Variants in EML4 observed in about 807,000 individuals in gnomAD.
EML4 encodes echinoderm microtubule-associated protein-like 4.
In EML4, 72 loss-of-function variants were observed where a neutral mutation model predicts 129.0. That is an observed-to-expected ratio of 0.56 (90% CI 0.46 to 0.68). The LOEUF is 0.68. Ranked by LOEUF, EML4 falls within the 30% of genes least tolerant of loss-of-function variation. The pLI, the probability that EML4 is intolerant of heterozygous loss-of-function variation, is 0.00. For missense variants in EML4, 1,363 were observed against 1,190.6 expected (o/e 1.14, Z -2.13); for synonymous variants, 532 against 405.0 (o/e 1.31, Z -3.77).
intron 1 of EML4, among the ~76,000 whole-genome samples, chr2:42,178,721 G>A (rs1670761875): frequency 6.6e-6 from 1 of 152,130 alleles, no homozygotes; most frequent in African/African-American, 2.4e-5. Flanking sequence ...TGTCTTGACT[G>A]GTTCCCCACT....
At position 42,298,596 on chromosome 2, in the gene EML4, T is replaced by C. The variant is rs1456484490; in HGVS notation, c.1490-2645T>C. Among the ~76,000 whole-genome samples the C allele has an allele frequency of 2.0e-5, 3 of 152,194 alleles. No homozygotes were observed. The East Asian group carries it at 5.8e-4, about 29-fold the overall frequency. ...TAAATTTTTTAAGCTAAGTCGATAC[T>C]AGGTCCACCTCAGGAAATAACTTTC... On this transcript the variant is annotated intron_variant, in intron 13 of 22. Transcript: ENST00000318522.
chr2:42,241,885 A>G (rs1405885375), intron 1 of EML4, among the ~76,000 whole-genome samples: 2 of 149,718 alleles, frequency 1.3e-5, no homozygotes, highest in Non-Finnish European at 2.9e-5. Flanking sequence ...GGGGGGGGGA[A>G]GCTGAGGTAA....
intron 1 of EML4, among the ~76,000 whole-genome samples, chr2:42,221,559 C>T (rs569386391): frequency 6.6e-6 from 1 of 151,548 alleles, no homozygotes; most frequent in Admixed American, 6.6e-5. Flanking sequence ...GTAAGCACAC[C>T]CAACCATGCC....
At chr2:42,257,169 C>G (rs1193221938) in intron 3 of EML4, among the ~76,000 whole-genome samples, 3 of 151,882 alleles carry the variant, frequency 2.0e-5, no homozygotes, top group Non-Finnish European at 4.4e-5. Flanking sequence ...TGTGGAATTA[C>G]AGCAATATAA....
intron 1 of EML4, among the ~76,000 whole-genome samples, chr2:42,201,081 CATCA>C (rs958180453): frequency 6.6e-6 from 1 of 152,126 alleles, no homozygotes; most frequent in African/African-American, 2.4e-5. Flanking sequence ...TTCTAATTTC[CATCA>C]ATCAAGTCGA....
chr2:42,319,366 T>A (rs1162583968), intron 19 of EML4, among the ~76,000 whole-genome samples: 1 of 152,240 alleles, frequency 6.6e-6, no homozygotes, highest in Non-Finnish European at 1.5e-5. Context: ...GTCAAATGCA[T>A]GAGACTTGTC....
chr2:42,261,341 A>C (rs1318698874), intron 4 of EML4, 47 bp downstream of exon 4: 1 of 1,458,168 alleles, frequency 6.9e-7, no homozygotes, highest in Non-Finnish European at 9.2e-7. Context: ...TTGTAATGAT[A>C]CCTAAATTCT....
rs780243101 is a variant in EML4, at chr2:42,259,722, CTTTTTTTTTTT to C, written c.339-1384_339-1374del. ...TTTCTATGATTTTGTTTCTTTCTTTCTTTTTTTTTTTTTTTTTTTTTTTTTGAGACGGCGTC... is the reference window on the plus strand; with the variant it reads ...TTTCTATGATTTTGTTTCTTTCTTTCTTTTTTTTTTTTTTGAGACGGCGTC... On this transcript the variant is annotated intron_variant, in intron 3 of 22. Coordinates refer to ENST00000318522, the MANE Select transcript of EML4 (RefSeq NM_019063.5). Among the ~76,000 whole-genome samples, 21 of 98,316 alleles carry C rather than the reference CTTTTTTTTTTT, an allele frequency of 2.1e-4. 1 individual carries two copies. The South Asian group carries it at 6.1e-3, about 28-fold the overall frequency. The allele number at this position is 98,316 out of a possible 152,430, so 64.5% of individuals were successfully genotyped here.
chr2:42,280,228 A>G (rs1358491729), intron 6 of EML4, among the ~76,000 whole-genome samples: 2 of 152,204 alleles, frequency 1.3e-5, no homozygotes, highest in Non-Finnish European at 2.9e-5. Context: ...GCATTTTTCT[A>G]CTCAGCCTTC....
At chr2:42,177,246 T>C (rs1426249271) in intron 1 of EML4, among the ~76,000 whole-genome samples, 1 of 142,132 alleles carries the variant, frequency 7.0e-6, no homozygotes, top group Non-Finnish European at 1.6e-5. Context: ...CAACCTTCAC[T>C]TTCATACCTC....
chr2:42,271,992 A>G (rs1666398434), intron 6 of EML4, among the ~76,000 whole-genome samples: 1 of 150,678 alleles, frequency 6.6e-6, no homozygotes, highest in East Asian at 2.0e-4. Context: ...GTCCCCACCT[A>G]CTTGGGAAGC....
intron 1 of EML4, among the ~76,000 whole-genome samples, chr2:42,220,715 A>C (rs1357269678): frequency 6.6e-6 from 1 of 152,174 alleles, no homozygotes; most frequent in Non-Finnish European, 1.5e-5. Flanking sequence ...TCAAAAGCTG[A>C]GATAGGCTGA....
chr2:42,248,948 CATTG>C (rs1183735859), intron 2 of EML4, among the ~76,000 whole-genome samples: 2 of 152,036 alleles, frequency 1.3e-5, no homozygotes, highest in African/African-American at 2.4e-5. Context: ...GATATTAAGA[CATTG>C]AGAGAAATAC....
chr2:42,302,583 G>T (rs1159180232), intron 14 of EML4, among the ~76,000 whole-genome samples: 1 of 151,286 alleles, frequency 6.6e-6, no homozygotes, highest in African/African-American at 2.4e-5. Context: ...GCCCAGGCTG[G>T]AATACAGTGG....
intron 2 of EML4, among the ~76,000 whole-genome samples, chr2:42,250,663 G>T (rs1024875246): frequency 2.6e-5 from 4 of 151,966 alleles, no homozygotes; most frequent in Non-Finnish European, 5.9e-5. Context: ...AGGCTGTATG[G>T]CATAGCCCAG....
intron 7 of EML4, among the ~76,000 whole-genome samples, chr2:42,282,581 G>A (rs954055971): frequency 3.3e-5 from 5 of 152,020 alleles, no homozygotes; most frequent in African/African-American, 4.8e-5. Flanking sequence ...TTTCTGTCGA[G>A]ATGGGGTCTC....
chr2:42,191,479 G>GA (rs1671577040), intron 1 of EML4, among the ~76,000 whole-genome samples: 1 of 152,096 alleles, frequency 6.6e-6, no homozygotes, highest in South Asian at 2.1e-4. Flanking sequence ...ATTATGTGTT[G>GA]AAAGGGCAGG....
intron 19 of EML4, 197 bp from the exon 20 acceptor site, chr2:42,325,248 TGCTAGTTTCTGGTATCTAGATA>T (rs1346796660): frequency 1.7e-6 from 1 of 600,666 alleles, no homozygotes; most frequent in South Asian, 1.4e-5. Context: ...AGGTAGTAGG[TGCTAGTTTCTGGTATCTAGATA>T]GGCCAGAAAG....
At chr2:42,206,366 A>G (rs1477521032) in intron 1 of EML4, among the ~76,000 whole-genome samples, 1 of 152,030 alleles carries the variant, frequency 6.6e-6, no homozygotes, top group Non-Finnish European at 1.5e-5. Context: ...AGTGTACTCC[A>G]CTGTATCCAG....
Sources: gnomAD v4.1 joint callset for allele counts (sites outside exome capture counted in the v4.1 genomes callset) on GRCh38, gnomAD v4.1.1 for gene constraint, MANE v1.5 for transcripts, NCBI Gene and HGNC (gene_info 2026-07-23, HGNC 2026-07-21) for gene names.